ZNF554: variants seen among roughly 807,000 people sequenced by gnomAD.
ZNF554 encodes zinc finger protein 554.
A neutral mutation model predicts 21.2 loss-of-function variants in ZNF554; 15 were observed. The observed-to-expected ratio is 0.71, with a 90% CI of 0.47 to 1.09. The LOEUF (loss-of-function observed/expected upper bound fraction) is 1.09, where lower values mean the gene tolerates loss of function less well. Ranked by LOEUF, ZNF554 falls within the 50% of genes least tolerant of loss-of-function variation. ZNF554 has a pLI of 0.00. For synonymous variants in ZNF554, 258 were observed against 251.4 expected (o/e 1.03, Z -0.25); for missense variants, 691 against 662.7 (o/e 1.04, Z -0.47).
chr19:2,824,473 G>T (rs1002279518), intron 2 of ZNF554, among the ~76,000 whole-genome samples: 4 of 152,202 alleles, frequency 2.6e-5, no homozygotes, highest in Admixed American at 1.3e-4. Flanking sequence ...TCAACAGGTG[G>T]GATCCAGCAC....
At chr19:2,827,577 C>T (rs760233933) in intron 2 of ZNF554, 40 bp from the exon 3 acceptor site, 12 of 1,590,104 alleles carry the variant, frequency 7.5e-6, no homozygotes, top group African/African-American at 5.4e-5. Flanking sequence ...ACGTGGGTGG[C>T]GATGGACCCA....
intron 3 of ZNF554, chr19:2,830,637 C>T (rs1262582949): frequency 6.6e-6 from 1 of 152,162 alleles, no homozygotes; most frequent in Admixed American, 6.6e-5. Context: ...ACTTTGTTGC[C>T]CAGGCTGGAG....
At chr19:2,824,697 G>A (rs557272680) in intron 2 of ZNF554, among the ~76,000 whole-genome samples, 5 of 152,244 alleles carry the variant, frequency 3.3e-5, no homozygotes, top group South Asian at 2.1e-4. Context: ...CATCTTAGCC[G>A]TTGATGAAAC....
intron 3 of ZNF554, among the ~76,000 whole-genome samples, chr19:2,828,513 AC>A (rs1261397846): frequency 1.3e-5 from 2 of 152,030 alleles, no homozygotes; most frequent in Non-Finnish European, 2.9e-5. Context: ...CTGTGGTGAA[AC>A]CCTGTCTCTA....
At chr19:2,823,369 C>G (rs894009109) in intron 2 of ZNF554, among the ~76,000 whole-genome samples, 1 of 152,156 alleles carries the variant, frequency 6.6e-6, no homozygotes, top group Non-Finnish European at 1.5e-5. Flanking sequence ...TGGCTGGAAA[C>G]CTCTGTGGCT....
chr19:2,827,837 A>T, intron 3 of ZNF554, 94 bp downstream of exon 3: 1 of 1,467,638 alleles, frequency 6.8e-7, no homozygotes, highest in Non-Finnish European at 9.3e-7. Context: ...AATACCCAAG[A>T]CTGGGTAATT....
rs751719426 is a variant in ZNF554 at position 2,834,236 on chromosome 19, A to G, written c.1001A>G (p.Asn334Ser). 11 of 1,613,964 alleles carry G rather than the reference A, an allele frequency of 6.8e-6. No individual in the cohort carries two copies. The highest frequency in any genetic ancestry group is 2.2e-5 in the South Asian group (2 of 91,086). ...FECHQCGKVFNRRHSLSEHQR... is the reference protein window; with the variant it reads ...FECHQCGKVFSRRHSLSEHQR... ...TGCCACCAGTGTGGGAAGGTGTTCA[A>G]CCGGAGGCATTCTTTGAGCGAACAT... The change falls in exon 5 of 5, where the codon AAC (asparagine) becomes AGC (serine). Residue 334 changes from asparagine (N) to serine (S), a missense_variant. Coordinates refer to ENST00000317243, the MANE Select transcript of ZNF554 (RefSeq NM_001102651.2).
chr19:2,834,852 G>A lies in ZNF554; in HGVS notation c.1617G>A (p.Ter539=). 2.5e-6 allele frequency: 4 copies of A among 1,572,302 alleles called. No homozygotes were observed. In the South Asian group the frequency reaches 4.7e-5, roughly 18 times the overall value. Residue 539 remains the stop codon, a stop_retained_variant, in exon 5 of 5, where the codon TAG becomes TAA. Transcript: ENST00000317243. Reference sequence around the variant, plus strand: ...AGAACAGACATCTTATTGGATATTAGCAATTGCACGCTGCTTTGTAAGCCA... The same window carrying A: ...AGAACAGACATCTTATTGGATATTAACAATTGCACGCTGCTTTGTAAGCCA... The part of the protein sequence containing the change: ...FYQNRHLIGY[*]
rs1381810536 is a variant in ZNF554, at chr19:2,819,929, G to C, written c.-143G>C. The stretch of plus-strand genomic sequence containing the variant: ...GGCGGCGGCTGCGGCGAGTTCCTGA[G>C]GGGCGCCTGCGGGGGGCGTCCGCTC... On this transcript the variant is annotated 5_prime_UTR_variant, in exon 1 of 5. Coordinates refer to ENST00000317243, the MANE Select transcript of ZNF554 (RefSeq NM_001102651.2). 3 of 554,428 alleles carry C rather than the reference G, an allele frequency of 5.4e-6. No homozygotes were observed. The African/African-American group carries it at 6.0e-5, about 11-fold the overall frequency. The allele number at this position is 554,428 out of a possible 1,614,324, so 34.3% of individuals were successfully genotyped here.
At chr19:2,827,503 G>A in intron 2 of ZNF554, 114 bp from the exon 3 acceptor site, 1 of 1,345,872 alleles carries the variant, frequency 7.4e-7, no homozygotes, top group Non-Finnish European at 1.0e-6. Flanking sequence ...ACTGACTTAT[G>A]GACTTTGCAC....
Position 2,834,351 on chromosome 19 carries a change from A to AACTCAT in ZNF554, c.1120_1125dup (p.His374_Thr375dup), listed in dbSNP as rs777327679. 5.6e-6 allele frequency: 9 copies of AACTCAT among 1,613,984 alleles called. No individual in the cohort carries two copies. The highest frequency in any genetic ancestry group is 7.6e-6 in the Non-Finnish European group (9 of 1,179,998). The stretch of plus-strand genomic sequence containing the variant: ...GCTCCACCCTCACGCGCCATCTGAG[A>AACTCAT]ACTCATACTGGAGAGAAGCCCTACG... On this transcript the variant is annotated inframe_insertion, in exon 5 of 5. Transcript: ENST00000317243.
Position 2,820,032 on chromosome 19 carries a change from C to T in ZNF554, c.-40C>T. Reference sequence around the variant, plus strand: ...CCGGCCGGCCTGCACGGGGCGCTCCCGCCTCGGGGGCCCTGTCTGGCGCCT... The same window carrying T: ...CCGGCCGGCCTGCACGGGGCGCTCCTGCCTCGGGGGCCCTGTCTGGCGCCT... On this transcript the variant is annotated 5_prime_UTR_variant, in exon 1 of 5. Coordinates refer to ENST00000317243, the MANE Select transcript of ZNF554 (RefSeq NM_001102651.2). The T allele has an allele frequency of 1.7e-6, 2 of 1,198,502 alleles. No homozygotes were observed. Among genetic ancestry groups the T allele is most frequent in the Non-Finnish European group, 2.1e-6 (2 of 966,032 alleles). 74.2% of individuals were successfully genotyped at this position (1,198,502 alleles called of 1,614,324 possible).
At chr19:2,822,084 T>A (rs562820402) in intron 1 of ZNF554, among the ~76,000 whole-genome samples, 1 of 151,070 alleles carries the variant, frequency 6.6e-6, no homozygotes, top group Non-Finnish European at 1.5e-5. Flanking sequence ...AGAGTCTTGC[T>A]CCATTGCCCA....
intron 2 of ZNF554, among the ~76,000 whole-genome samples, chr19:2,824,179 C>T (rs1356235748): frequency 6.6e-6 from 1 of 152,202 alleles, no homozygotes; most frequent in African/African-American, 2.4e-5. Context: ...GCCACGGCTG[C>T]ACCCAGGAGC....
chr19:2,836,374 C>T lies in ZNF554; in HGVS notation c.*1522C>T, dbSNP rs972895804. 1.3e-5 allele frequency among the ~76,000 whole-genome samples: 2 copies of T among 152,216 alleles called. No homozygotes were observed. The highest frequency in any genetic ancestry group is 2.4e-5 in the African/African-American group (1 of 41,450). On this transcript the variant is annotated 3_prime_UTR_variant, in exon 5 of 5. Transcript: ENST00000317243. ...GGGATTACAGGTGTGAACCACTGCT[C>T]CTGGCCTTTATTTCAGCATTCTGTT... is the stretch of plus-strand genomic sequence containing the variant.
chr19:2,826,664 C>CTTTTT lies in ZNF554; in HGVS notation c.127-942_127-938dup, dbSNP rs57117616. Among the ~76,000 whole-genome samples, 13 of 140,940 alleles carry CTTTTT rather than the reference C, an allele frequency of 9.2e-5. No homozygotes were observed. The Admixed American group carries it at 9.3e-4, about 10-fold the overall frequency. The allele number at this position is 140,940 out of a possible 152,430, so 92.5% of individuals were successfully genotyped here. On this transcript the variant is annotated intron_variant, in intron 2 of 4. Coordinates refer to ENST00000317243, the MANE Select transcript of ZNF554 (RefSeq NM_001102651.2). ...GTCAAGGTTGTTGTAGCAGATTCCTCTTTTTTTTTTTTTTTGAGATGGAGT... is the reference window on the plus strand; with the variant it reads ...GTCAAGGTTGTTGTAGCAGATTCCTCTTTTTTTTTTTTTTTTTTTTGAGATGGAGT...
rs749511341 is a variant in ZNF554 at position 2,833,856 on chromosome 19, C to T, written c.621C>T (p.His207=). The stretch of plus-strand genomic sequence containing the variant: ...TTTTGAGCCAAAAGGCATCCCTTCA[C>T]GTAGTGGCCGTTCCTCAGGAGAAGG... ...QGLLSQKASL[H]VVAVPQEKAT... The change falls in exon 5 of 5, where the codon CAC becomes CAT. Residue 207 remains histidine, a synonymous_variant. Transcript: ENST00000317243. 16 of 1,612,982 alleles carry T rather than the reference C, an allele frequency of 9.9e-6. No individual in the cohort carries two copies. In the African/African-American group the frequency reaches 1.1e-4, roughly 11 times the overall value.
chr19:2,819,990 G>C lies in ZNF554; in HGVS notation c.-82G>C. The C allele has an allele frequency of 9.2e-7, 1 of 1,087,710 alleles. No individual in the cohort carries two copies. Among genetic ancestry groups the C allele is most frequent in the Non-Finnish European group, 1.2e-6 (1 of 869,028 alleles). The allele number at this position is 1,087,710 out of a possible 1,614,324, so 67.4% of individuals were successfully genotyped here. A position where few individuals can be genotyped will look rare whatever the true frequency, so the allele number is the denominator to read the frequency against. On this transcript the variant is annotated 5_prime_UTR_variant, in exon 1 of 5. Transcript: ENST00000317243. Reference sequence around the variant, plus strand: ...GGAGCCGAGCGGAGGAGGCGTCCCAGGGACACGCAGGGGAGGCCGGCCGGC... The same window carrying C: ...GGAGCCGAGCGGAGGAGGCGTCCCACGGACACGCAGGGGAGGCCGGCCGGC...
At position 2,834,968 on chromosome 19, in the gene ZNF554, C is replaced by T. The variant is rs2087480998; in HGVS notation, c.*116C>T. On this transcript the variant is annotated 3_prime_UTR_variant, in exon 5 of 5. Coordinates refer to ENST00000317243, the MANE Select transcript of ZNF554 (RefSeq NM_001102651.2). ...GAAGTGGGTTTATGTCACCTTCTCA[C>T]CTTCTTATAAGAAAGCTCTGAGAAT... The T allele has an allele frequency of 3.2e-6, 3 of 943,744 alleles. No individual in the cohort carries two copies. In the South Asian group the frequency reaches 5.3e-5, roughly 17 times the overall value. 58.5% of individuals were successfully genotyped at this position (943,744 alleles called of 1,614,324 possible).
Sources: allele counts gnomAD v4.1 joint callset (sites outside exome capture counted in the v4.1 genomes callset), GRCh38; gene constraint gnomAD v4.1.1; transcripts MANE v1.5; gene names NCBI Gene and HGNC (gene_info 2026-07-23, HGNC 2026-07-21).